TRAPPC9: variants seen among roughly 807,000 people sequenced by gnomAD.
The protein encoded by TRAPPC9 is trafficking protein particle complex subunit 9, also known as IKK2 binding protein.
Under a neutral mutation model 124.0 loss-of-function variants are expected in TRAPPC9, and 83 were observed. The observed-to-expected ratio is 0.67, with a 90% CI of 0.56 to 0.80. TRAPPC9 has a LOEUF of 0.80. Among genes scored for constraint, TRAPPC9 ranks in the 30% least tolerant of loss-of-function variants. TRAPPC9 has a pLI of 0.00. For synonymous variants in TRAPPC9, 638 were observed against 617.5 expected (o/e 1.03, Z -0.49); for missense variants, 1,302 against 1,508.3 (o/e 0.86, Z 2.27).
chr8:139,964,121 G>A (rs1023872530), intron 19 of TRAPPC9, among the ~76,000 whole-genome samples: 2 of 151,622 alleles, frequency 1.3e-5, no homozygotes, highest in Non-Finnish European at 2.9e-5. Context: ...CTACTTGGGA[G>A]GCTGAGGCAG....
At chr8:140,103,790 T>A (rs1182238451) in intron 17 of TRAPPC9, among the ~76,000 whole-genome samples, 1 of 152,162 alleles carries the variant, frequency 6.6e-6, no homozygotes, top group African/African-American at 2.4e-5. Context: ...ATGAAGGTAC[T>A]AAGAGGTTCT....
At chr8:140,046,770 C>A (rs375602907) in intron 17 of TRAPPC9, among the ~76,000 whole-genome samples, 20 of 152,204 alleles carry the variant, frequency 1.3e-4, no homozygotes, top group African/African-American at 4.8e-4. Context: ...TTTATAATTG[C>A]CCTAAATTAT....
chr8:139,971,748 T>TAC lies in TRAPPC9; in HGVS notation c.2810+16976_2810+16977dup, dbSNP rs6150859. ...ACACACACACACACACATATATATATACACACACACACACACATATATATA... is the reference window on the plus strand; with the variant it reads ...ACACACACACACACACATATATATATACACACACACACACACACATATATATA... On this transcript the variant is annotated intron_variant, in intron 19 of 22. Transcript: ENST00000438773. Among the ~76,000 whole-genome samples, 621 of 146,032 alleles carry TAC rather than the reference T, an allele frequency of 4.3e-3. 27 individuals carry two copies. Among genetic ancestry groups the TAC allele is most frequent in the South Asian group, 8.6e-3 (40 of 4,632 alleles).
chr8:140,055,668 G>A (rs1842251080), intron 17 of TRAPPC9, among the ~76,000 whole-genome samples: 1 of 152,164 alleles, frequency 6.6e-6, no homozygotes, highest in South Asian at 2.1e-4. Context: ...AAAGTTACAG[G>A]ATGCAACATA....
chr8:140,252,743 C>T lies in TRAPPC9; in HGVS notation c.2431+34G>A. The T allele has an allele frequency of 1.2e-6, 2 of 1,610,156 alleles. No individual in the cohort carries two copies. The highest frequency in any genetic ancestry group is 1.7e-6 in the Non-Finnish European group (2 of 1,179,776). On this transcript the variant is annotated intron_variant, in intron 16 of 22. Coordinates refer to ENST00000438773, the MANE Select transcript of TRAPPC9 (RefSeq NM_001160372.4). The surrounding 1 kb of genome is among the most constrained non-coding windows in gnomAD (Gnocchi z 4.2). Reference sequence around the variant, plus strand: ...GGGTTGCTACACAGTATCTAGGACCCTGACGTGCTAATTAAAATTAGGAAA... The same window carrying T: ...GGGTTGCTACACAGTATCTAGGACCTTGACGTGCTAATTAAAATTAGGAAA...
intron 11 of TRAPPC9, 52 bp downstream of exon 11, chr8:140,300,417 A>G: frequency 6.2e-7 from 1 of 1,613,062 alleles, no homozygotes; most frequent in South Asian, 1.1e-5. Context: ...TAGAAAAGCC[A>G]TTGGAAATCA....
intron 19 of TRAPPC9, among the ~76,000 whole-genome samples, chr8:139,967,734 G>C (rs79459779): frequency 0.022 from 3,395 of 152,320 alleles, 113 homozygotes; most frequent in African/African-American, 0.076. Flanking sequence ...ACTGTATGTT[G>C]TATTACCCCA....
At chr8:140,049,553 C>G (rs1040230594) in intron 17 of TRAPPC9, among the ~76,000 whole-genome samples, 7 of 150,446 alleles carry the variant, frequency 4.7e-5, no homozygotes, top group South Asian at 4.2e-4. Flanking sequence ...GCTCCCCCCC[C>G]CGAGACCACC....
chr8:140,242,461 C>T (rs150978561), intron 16 of TRAPPC9, among the ~76,000 whole-genome samples: 177 of 152,206 alleles, frequency 1.2e-3, no homozygotes, highest in African/African-American at 4.0e-3. Context: ...GGACTCTTGC[C>T]GGCACTTCCC....
At position 140,402,115 on chromosome 8, in the gene TRAPPC9, G is replaced by A. The variant is rs537549949; in HGVS notation, c.1008+3462C>T. 5.3e-5 allele frequency among the ~76,000 whole-genome samples: 8 copies of A among 152,064 alleles called. No individual in the cohort carries two copies. In the East Asian group the frequency reaches 7.7e-4, roughly 15 times the overall value. ...TGTGTAGTGGCTTAGGCCTGTAATC[G>A]CAGCGTCTCAGGAGGCCATGGTGGG... On this transcript the variant is annotated intron_variant, in intron 6 of 22. Transcript: ENST00000438773.
chr8:140,138,955 G>A (rs4481576), intron 17 of TRAPPC9, among the ~76,000 whole-genome samples: 69,850 of 151,782 alleles, frequency 0.46, 16,188 homozygotes, highest in Middle Eastern at 0.53. Context: ...ACAGAAAACC[G>A]GCTGTGCTCG....
chr8:140,021,223 T>C (rs1010421837), intron 18 of TRAPPC9, among the ~76,000 whole-genome samples: 4 of 152,360 alleles, frequency 2.6e-5, no homozygotes, highest in East Asian at 1.9e-4. Flanking sequence ...TGGGGTTAAG[T>C]ATTTTTAAAT....
chr8:140,102,976 A>C (rs113686127), intron 17 of TRAPPC9, among the ~76,000 whole-genome samples: 1 of 152,328 alleles, frequency 6.6e-6, no homozygotes, highest in African/African-American at 2.4e-5. Flanking sequence ...TGACTTACGA[A>C]GATGAGGCAT....
At chr8:140,319,172 CTT>C (rs35283714) in intron 9 of TRAPPC9, among the ~76,000 whole-genome samples, 98 of 118,494 alleles carry the variant, frequency 8.3e-4, no homozygotes, top group African/African-American at 2.2e-3. Context: ...TTATTTTGAA[CTT>C]TTTTTTTTTT....
chr8:139,967,075 C>T (rs1433048097), intron 19 of TRAPPC9, among the ~76,000 whole-genome samples: 2 of 152,124 alleles, frequency 1.3e-5, no homozygotes, highest in African/African-American at 4.8e-5. Flanking sequence ...CGTTACTGTC[C>T]GAAACACTCA....
chr8:139,979,872 G>A (rs1342838367), intron 19 of TRAPPC9, among the ~76,000 whole-genome samples: 8 of 152,102 alleles, frequency 5.3e-5, no homozygotes, highest in Admixed American at 5.2e-4. Flanking sequence ...ATGGGCAAGT[G>A]ACGCCCTGAC....
At chr8:140,249,427 C>T (rs2064072057) in intron 16 of TRAPPC9, among the ~76,000 whole-genome samples, 1 of 152,126 alleles carries the variant, frequency 6.6e-6, no homozygotes, top group African/African-American at 2.4e-5. Flanking sequence ...ATCCAATTCA[C>T]TACTGATGGC....
intron 21 of TRAPPC9, among the ~76,000 whole-genome samples, chr8:139,854,155 G>A (rs935071825): frequency 9.2e-5 from 14 of 152,254 alleles, no homozygotes; most frequent in East Asian, 5.8e-4. Context: ...TCGGACCCTG[G>A]GAGGGATTTG....
At chr8:140,356,852 C>T (rs1481154324) in intron 9 of TRAPPC9, among the ~76,000 whole-genome samples, 3 of 152,044 alleles carry the variant, frequency 2.0e-5, no homozygotes, top group Admixed American at 6.6e-5. Flanking sequence ...TCAGGTGATC[C>T]GCCCGTCTCA....
Sources: gnomAD v4.1 joint callset for allele counts (sites outside exome capture counted in the v4.1 genomes callset) on GRCh38, gnomAD v4.1.1 for gene constraint, Gnocchi (gnomAD v3.1) non-coding constraint, MANE v1.5 for transcripts, NCBI Gene and HGNC (gene_info 2026-07-23, HGNC 2026-07-21) for gene names.